IL18RAP: variants seen among roughly 807,000 people sequenced by gnomAD.
IL18RAP encodes interleukin-18 receptor accessory protein.
Under a neutral mutation model 58.1 loss-of-function variants are expected in IL18RAP, and 37 were observed. That is an observed-to-expected ratio of 0.64 (90% CI 0.49 to 0.84). IL18RAP has a LOEUF of 0.84. Ranked by LOEUF, IL18RAP falls within the 40% of genes least tolerant of loss-of-function variation. The probability of loss-of-function intolerance (pLI) is 0.00; values close to 1 mark genes in which losing one functional copy is unlikely to be tolerated. For synonymous variants in IL18RAP, 268 were observed against 257.5 expected (o/e 1.04, Z -0.39); for missense variants, 667 against 704.8 (o/e 0.95, Z 0.61).
Position 102,452,231 on chromosome 2 carries a change from C to G in IL18RAP, c.*50C>G, listed in dbSNP as rs761063480. The G allele has an allele frequency of 1.3e-6, 2 of 1,486,694 alleles. No homozygotes were observed. The highest frequency in any genetic ancestry group is 1.8e-6 in the Non-Finnish European group (2 of 1,102,570). The allele number at this position is 1,486,694 out of a possible 1,614,324, so 92.1% of individuals were successfully genotyped here. On this transcript the variant is annotated 3_prime_UTR_variant, in exon 10 of 10. Transcript: ENST00000687160. Reference sequence around the variant, plus strand: ...TCCAGTCCCTGGGATAGAGATGTTGCTGGACAGAACTCACAGCTCTGTGTG... The same window carrying G: ...TCCAGTCCCTGGGATAGAGATGTTGGTGGACAGAACTCACAGCTCTGTGTG...
At chr2:102,423,591 C>A (rs924495150) in intron 1 of IL18RAP, among the ~76,000 whole-genome samples, 6 of 152,176 alleles carry the variant, frequency 3.9e-5, no homozygotes, top group African/African-American at 1.4e-4. Flanking sequence ...AGCCAGAGTT[C>A]TACCATCTTT....
At chr2:102,451,092 G>A (rs1309127049) in intron 9 of IL18RAP, 71 bp downstream of exon 9, 2 of 1,273,708 alleles carry the variant, frequency 1.6e-6, no homozygotes, top group Non-Finnish European at 2.2e-6. Flanking sequence ...AGTCTTTTTT[G>A]TCATTCTTTG....
chr2:102,435,839 CT>C (rs1024880575), intron 3 of IL18RAP, among the ~76,000 whole-genome samples: 1 of 128,722 alleles, frequency 7.8e-6, no homozygotes, highest in Non-Finnish European at 1.7e-5. Context: ...TTTGCAGTGT[CT>C]TCATTTTTTT....
intron 8 of IL18RAP, among the ~76,000 whole-genome samples, chr2:102,449,559 C>T (rs1573306218): frequency 6.6e-6 from 1 of 152,086 alleles, no homozygotes; most frequent in African/African-American, 2.4e-5. Flanking sequence ...TTTTCAAGCA[C>T]GGGGATGCAG....
At chr2:102,449,395 A>G (rs1683626482) in intron 8 of IL18RAP, among the ~76,000 whole-genome samples, 1 of 152,246 alleles carries the variant, frequency 6.6e-6, no homozygotes, top group African/African-American at 2.4e-5. Flanking sequence ...AATGAAGCAA[A>G]TTATGTAATC....
At chr2:102,431,191 C>G (rs972084299) in intron 3 of IL18RAP, among the ~76,000 whole-genome samples, 7 of 152,124 alleles carry the variant, frequency 4.6e-5, no homozygotes, top group African/African-American at 1.7e-4. Context: ...GACAGCTTTG[C>G]TTGGTTGGCA....
Position 102,437,363 on chromosome 2 carries a change from G to C in IL18RAP, c.730+1G>C. The stretch of plus-strand genomic sequence containing the variant: ...GCTGTTGTTCAAGTGAGAACCATTG[G>C]TAAGTGAGATTTTTATCTCAAGATT... On this transcript the variant is annotated splice_donor_variant, in intron 4 of 9. Transcript: ENST00000687160. LOFTEE classifies it high-confidence loss of function. 1 of 1,604,880 alleles carries C rather than the reference G, an allele frequency of 6.2e-7. No individual in the cohort carries two copies. The highest frequency in any genetic ancestry group is 8.5e-7 in the Non-Finnish European group (1 of 1,177,238).
chr2:102,423,394 G>T, intron 1 of IL18RAP, 47 bp downstream of exon 1: 1 of 1,472,174 alleles, frequency 6.8e-7, no homozygotes, highest in Non-Finnish European at 9.5e-7. Context: ...CTGTGGTCAA[G>T]TGTAAAGTGA....
intron 6 of IL18RAP, 124 bp from the exon 7 acceptor site, chr2:102,445,060 GTATCT>G (rs571946156): frequency 2.1e-5 from 14 of 671,708 alleles, no homozygotes; most frequent in South Asian, 4.0e-5. Context: ...CATTCTCGTG[GTATCT>G]TATACTATTG....
intron 3 of IL18RAP, among the ~76,000 whole-genome samples, chr2:102,436,819 G>GTGTATATA (rs1553404995): frequency 0.02 from 2,944 of 149,928 alleles, 83 homozygotes; most frequent in African/African-American, 0.064. Flanking sequence ...GTGTGTGTGT[G>GTGTATATA]TATATATATA....
intron 4 of IL18RAP, chr2:102,440,074 A>C (rs10490204): frequency 0.22 from 33,470 of 152,276 alleles, 4,410 homozygotes; most frequent in East Asian, 0.4. Context: ...AAACGAAGTG[A>C]AATTGATGAT....
intron 8 of IL18RAP, among the ~76,000 whole-genome samples, chr2:102,447,706 T>TTATGTATG (rs142110985): frequency 0.079 from 11,846 of 149,258 alleles, 578 homozygotes; most frequent in Middle Eastern, 0.22. Context: ...ATTCATTCAT[T>TTATGTATG]TATGTATGTA....
In IL18RAP at chr2:102,437,293, T is replaced by C. The variant is rs959868739; in HGVS notation, c.661T>C (p.Cys221Arg). ...VYDYHQGTYV[C>R]DYTQSDTVSS... The stretch of plus-strand genomic sequence containing the variant: ...TGACTATCACCAGGGCACATATGTA[T>C]GTGATTACACTCAGTCGGATACTGT... Residue 221 changes from cysteine (C) to arginine (R), a missense_variant, in exon 4 of 10, where the codon TGT becomes CGT. Transcript: ENST00000687160. 1 of 1,613,924 alleles carries C rather than the reference T, an allele frequency of 6.2e-7. No individual in the cohort carries two copies. The highest frequency in any genetic ancestry group is 8.5e-7 in the Non-Finnish European group (1 of 1,179,856).
In IL18RAP at chr2:102,423,881, T is replaced by G; in HGVS notation, c.141T>G (p.Asp47Glu). 1 of 1,614,038 alleles carries G rather than the reference T, an allele frequency of 6.2e-7. No individual in the cohort carries two copies. The part of the protein sequence containing the change: ...RSEEEFVLFC[D>E]LPEPQKSHFC... The stretch of plus-strand genomic sequence containing the variant: ...AAGAGGAATTTGTCTTATTTTGTGA[T>G]TTACCAGAGCCACAGAAATCACATT... Residue 47 changes from aspartate to glutamate, a missense_variant, in exon 2 of 10, where the codon GAT (aspartate) becomes GAG (glutamate). Coordinates refer to ENST00000687160, the MANE Select transcript of IL18RAP (RefSeq NM_001393487.1).
intron 4 of IL18RAP, among the ~76,000 whole-genome samples, chr2:102,438,003 C>T (rs531240926): frequency 6.6e-6 from 1 of 152,270 alleles, no homozygotes; most frequent in South Asian, 2.1e-4. Flanking sequence ...CCAAATAATA[C>T]TTGGTGTTAT....
chr2:102,447,052 C>G lies in IL18RAP; in HGVS notation c.1073-18C>G. On this transcript the variant is annotated intron_variant, in intron 7 of 9. Coordinates refer to ENST00000687160, the MANE Select transcript of IL18RAP (RefSeq NM_001393487.1). ...CCCGCTGCCTCTATGTCTCTTCATA[C>G]TGGCCCTGTCTCCACAGTGGTGCTC... The G allele has an allele frequency of 6.2e-7, 1 of 1,612,436 alleles. No individual in the cohort carries two copies. The highest frequency in any genetic ancestry group is 8.5e-7 in the Non-Finnish European group (1 of 1,179,344).
chr2:102,423,136 C>T, upstream of IL18RAP: 1 of 836,582 alleles, frequency 1.2e-6, no homozygotes, highest in Non-Finnish European at 2.0e-6. Context: ...GCACTTTGTT[C>T]ACTGGTTCTG....
intron 8 of IL18RAP, among the ~76,000 whole-genome samples, chr2:102,447,635 T>C (rs1683507767): frequency 6.6e-6 from 1 of 152,178 alleles, no homozygotes; most frequent in Non-Finnish European, 1.5e-5. Flanking sequence ...AGGATTGTCA[T>C]AGCACCAATT....
At chr2:102,437,484 T>A in intron 4 of IL18RAP, 122 bp downstream of exon 4, 3 of 894,428 alleles carry the variant, frequency 3.4e-6, no homozygotes, top group African/African-American at 1.7e-5. Flanking sequence ...TGTAATCATG[T>A]AAAACCTTTC....
Sources: gnomAD v4.1 joint callset for allele counts (sites outside exome capture counted in the v4.1 genomes callset) on GRCh38, gnomAD v4.1.1 for gene constraint, MANE v1.5 for transcripts, NCBI Gene and HGNC (gene_info 2026-07-23, HGNC 2026-07-21) for gene names.